The following RTBDN variants were observed in gnomAD, a reference collection of about 807,000 sequenced individuals.
The protein encoded by RTBDN is retbindin.
A neutral mutation model predicts 21.9 loss-of-function variants in RTBDN; 24 were observed. The observed-to-expected ratio is 1.10, with a 90% CI of 0.79 to 1.54. The LOEUF is 1.54. RTBDN is among the 40% of genes most tolerant of loss of function. The pLI is 0.00. For missense variants in RTBDN, 325 were observed against 315.2 expected (o/e 1.03, Z -0.23); for synonymous variants, 141 against 125.9 (o/e 1.12, Z -0.80).
At chr19:12,829,203 TTTTC>T (rs1177621398) in intron 2 of RTBDN, among the ~76,000 whole-genome samples, 1 of 151,854 alleles carries the variant, frequency 6.6e-6, no homozygotes, top group Non-Finnish European at 1.5e-5. Flanking sequence ...CCTTTTTTTT[TTTTC>T]TTTTTTTCTT....
At chr19:12,835,177 TGA>T (rs1391321812), upstream of RTBDN, 2 of 1,412,252 alleles carry the variant, frequency 1.4e-6, no homozygotes, top group Non-Finnish European at 2.0e-6. Context: ...GGAAAAATGG[TGA>T]TCAGACTGCA....
upstream of RTBDN, chr19:12,835,156 T>C (rs1969712146): frequency 3.2e-6 from 5 of 1,568,906 alleles, no homozygotes; most frequent in South Asian, 5.6e-5. Context: ...AGCTGATTGG[T>C]CAGTGCAGCA....
chr19:12,828,830 C>G, intron 3 of RTBDN, 39 bp downstream of exon 3: 1 of 1,614,018 alleles, frequency 6.2e-7, no homozygotes, highest in Non-Finnish European at 8.5e-7. Context: ...GGGCAATGGG[C>G]AAAGTACGCG....
rs531000922 is a variant in RTBDN, at chr19:12,834,271, C to T, written c.-19+218G>A. Among the ~76,000 whole-genome samples the T allele has an allele frequency of 3.3e-5, 5 of 152,278 alleles. No individual in the cohort carries two copies. In the South Asian group the frequency reaches 1.0e-3, roughly 32 times the overall value. On this transcript the variant is annotated intron_variant, in intron 1 of 5. Transcript: ENST00000674343. The surrounding 1 kb of genome is among the most constrained non-coding windows in gnomAD (Gnocchi z 4.7). ...GAGGATCGCCTGAGGGGCGCCTGGC[C>T]CGCCCTAGGGGGATGGGGCTGGGGC...
In RTBDN at chr19:12,830,075, G is replaced by A; in HGVS notation, c.-18-78C>T. 1.4e-6 allele frequency: 2 copies of A among 1,473,296 alleles called. No individual in the cohort carries two copies. Among genetic ancestry groups the A allele is most frequent in the East Asian group, 2.3e-5 (1 of 43,056 alleles). The allele number at this position is 1,473,296 out of a possible 1,614,324, so 91.3% of individuals were successfully genotyped here. A position where few individuals can be genotyped will look rare whatever the true frequency, so the allele number is the denominator to read the frequency against. On this transcript the variant is annotated intron_variant, in intron 1 of 5. Transcript: ENST00000674343. The surrounding 1 kb of genome is among the most constrained non-coding windows in gnomAD (Gnocchi z 4.2). ...CACCCACCCAGTGCATACCCAAGAAGCAGTGCCAGGCAGAGTAGGGAAAGT... is the reference window on the plus strand; with the variant it reads ...CACCCACCCAGTGCATACCCAAGAAACAGTGCCAGGCAGAGTAGGGAAAGT...
At chr19:12,826,141 G>T (rs1344436603) in intron 5 of RTBDN, 1 of 1,389,754 alleles carries the variant, frequency 7.2e-7, no homozygotes, top group Non-Finnish European at 9.3e-7. Context: ...ATGAATCAGG[G>T]TTGGGGCAGT....
rs1222805527 is a variant in RTBDN at position 12,830,330 on chromosome 19, T to G, written c.-18-333A>C. ...TTCTTTTCTCAGAATGAAGGGGACCTCCCTAGGTCTTCCAATCCCCCTCTC... is the reference window on the plus strand; with the variant it reads ...TTCTTTTCTCAGAATGAAGGGGACCGCCCTAGGTCTTCCAATCCCCCTCTC... On this transcript the variant is annotated intron_variant, in intron 1 of 5. Coordinates refer to ENST00000674343, the MANE Select transcript of RTBDN (RefSeq NM_001270441.2). The surrounding 1 kb of genome is among the most constrained non-coding windows in gnomAD (Gnocchi z 4.2). 1 of 1,048,168 alleles carries G rather than the reference T, an allele frequency of 9.5e-7. No homozygotes were observed. Among genetic ancestry groups the G allele is most frequent in the Non-Finnish European group, 1.1e-6 (1 of 869,738 alleles). The allele number at this position is 1,048,168 out of a possible 1,614,324, so 64.9% of individuals were successfully genotyped here.
chr19:12,825,989 G>T, intron 5 of RTBDN, 56 bp from the exon 6 acceptor site: 2 of 1,482,832 alleles, frequency 1.3e-6, no homozygotes, highest in Non-Finnish European at 9.0e-7. Flanking sequence ...CGTGGGGGGC[G>T]TGGCCTCGGG....
chr19:12,832,342 C>T (rs752294876), intron 1 of RTBDN, among the ~76,000 whole-genome samples: 10 of 152,080 alleles, frequency 6.6e-5, no homozygotes, highest in Non-Finnish European at 1.3e-4. Context: ...CAGTAGATAC[C>T]GTCTCTGGGT....
chr19:12,825,998 G>T, intron 5 of RTBDN, 65 bp from the exon 6 acceptor site: 1 of 1,469,516 alleles, frequency 6.8e-7, no homozygotes, highest in East Asian at 2.5e-5. Flanking sequence ...CGTGGCCTCG[G>T]GAAGGGAAAA....
In RTBDN at chr19:12,825,685, C is replaced by T. The variant is rs768106839; in HGVS notation, c.*21G>A. ...GGGGCTGGGGGAAGGGTCGCTCCCC[C>T]AACTCAGGGCCACGCGTCCGCTAGG... is the stretch of plus-strand genomic sequence containing the variant. On this transcript the variant is annotated 3_prime_UTR_variant, in exon 6 of 6. Coordinates refer to ENST00000674343, the MANE Select transcript of RTBDN (RefSeq NM_001270441.2). The T allele has an allele frequency of 1.9e-6, 3 of 1,548,586 alleles. No homozygotes were observed. Among genetic ancestry groups the T allele is most frequent in the Admixed American group, 2.0e-5 (1 of 50,968 alleles).
intron 1 of RTBDN, among the ~76,000 whole-genome samples, chr19:12,832,134 G>C (rs1474848991): frequency 6.6e-6 from 1 of 152,152 alleles, no homozygotes; most frequent in Non-Finnish European, 1.5e-5. Context: ...TGTGTTTGTG[G>C]AGTATATGTT....
At chr19:12,826,602 G>A (rs1405195144) in intron 5 of RTBDN, 173 bp downstream of exon 5, 9 of 703,240 alleles carry the variant, frequency 1.3e-5, no homozygotes, top group East Asian at 2.9e-5. Flanking sequence ...GTTGCGGCAG[G>A]AGAATCACTT....
At chr19:12,833,585 C>T (rs1969652033) in intron 1 of RTBDN, among the ~76,000 whole-genome samples, 1 of 152,132 alleles carries the variant, frequency 6.6e-6, no homozygotes, top group African/African-American at 2.4e-5. Context: ...GAATGTATCT[C>T]AGGGAGAAGG....
chr19:12,832,210 G>A (rs1232571514), intron 1 of RTBDN, among the ~76,000 whole-genome samples: 1 of 152,142 alleles, frequency 6.6e-6, no homozygotes, highest in South Asian at 2.1e-4. Context: ...GTGAGTGTTC[G>A]TGTGCCTCTC....
intron 1 of RTBDN, among the ~76,000 whole-genome samples, chr19:12,833,654 G>A (rs1417955193): frequency 3.3e-5 from 5 of 152,066 alleles, no homozygotes; most frequent in Non-Finnish European, 7.4e-5. Context: ...TCTCCTCTGG[G>A]GTGTCTCTTT....
At chr19:12,828,388 T>TC (rs1969405827) in intron 4 of RTBDN, among the ~76,000 whole-genome samples, 1 of 137,514 alleles carries the variant, frequency 7.3e-6, no homozygotes, top group African/African-American at 2.9e-5. Context: ...ACAGTGAGAC[T>TC]CCATCTCAAA....
In RTBDN at chr19:12,828,914, G is replaced by A. The variant is rs200696574; in HGVS notation, c.209C>T (p.Ser70Leu). 4.3e-6 allele frequency: 7 copies of A among 1,614,058 alleles called. No individual in the cohort carries two copies. The highest frequency in any genetic ancestry group is 2.2e-5 in the South Asian group (2 of 91,092). Residue 70 changes from serine to leucine, a missense_variant, in exon 3 of 6, where the codon TCG (serine) becomes TTG (leucine). Coordinates refer to ENST00000674343, the MANE Select transcript of RTBDN (RefSeq NM_001270441.2). ...CPSEMDTTETSGPGNHPERCG... is the reference protein window; with the variant it reads ...CPSEMDTTETLGPGNHPERCG... ...GCGTTCTGGATGGTTTCCAGGGCCC[G>A]ATGTCTCTGTTGTGTCCATCTCTGA...
In RTBDN at chr19:12,834,159, G is replaced by A. The variant is rs1599568671; in HGVS notation, c.-19+330C>T. On this transcript the variant is annotated intron_variant, in intron 1 of 5. Transcript: ENST00000674343. This position sits in a 1 kb window ranked among gnomAD's most constrained non-coding sequence, Gnocchi z 4.7. ...ACCGCGGGGAACGCTGTGGCCGCGC[G>A]TCCCGCCGCGCTGGGGACCCCGCCC... 6.6e-6 allele frequency among the ~76,000 whole-genome samples: 1 copy of A among 152,060 alleles called. No individual in the cohort carries two copies. Among genetic ancestry groups the A allele is most frequent in the Admixed American group, 6.5e-5 (1 of 15,282 alleles).
Sources: gnomAD v4.1 joint callset for allele counts (sites outside exome capture counted in the v4.1 genomes callset) on GRCh38, gnomAD v4.1.1 for gene constraint, Gnocchi (gnomAD v3.1) non-coding constraint, MANE v1.5 for transcripts, NCBI Gene and HGNC (gene_info 2026-07-23, HGNC 2026-07-21) for gene names.